The following STRBP variants were observed in gnomAD, a reference collection of about 807,000 sequenced individuals.
The protein encoded by STRBP is spermatid perinuclear RNA binding protein.
In STRBP, 13 loss-of-function variants were observed where a neutral mutation model predicts 80.1. The observed-to-expected ratio is 0.16, with a 90% CI of 0.11 to 0.26. The LOEUF is 0.26. STRBP is among the 10% of genes least tolerant of loss of function. The pLI is 1.00. For synonymous variants in STRBP, 284 were observed against 291.2 expected, an observed-to-expected ratio of 0.98 and a Z score of 0.25; for missense variants, 485 against 815.2, an observed-to-expected ratio of 0.59 and a Z score of 4.93.
At chr9:123,244,772 T>C (rs1360926565) in intron 1 of STRBP, among the ~76,000 whole-genome samples, 1 of 152,192 alleles carries the variant, frequency 6.6e-6, no homozygotes, top group Non-Finnish European at 1.5e-5. Context: ...AAAATGCATT[T>C]ATCACATAAC....
At chr9:123,146,279 C>T (rs970516435) in intron 13 of STRBP, among the ~76,000 whole-genome samples, 3 of 151,378 alleles carry the variant, frequency 2.0e-5, no homozygotes, top group South Asian at 2.1e-4. Flanking sequence ...ATATTATTCC[C>T]GATGGAAATA....
intron 1 of STRBP, among the ~76,000 whole-genome samples, chr9:123,245,388 T>G (rs2040779317): frequency 6.6e-6 from 1 of 152,174 alleles, no homozygotes; most frequent in South Asian, 2.1e-4. Flanking sequence ...TTTTTGTTGT[T>G]TTTGTTTGTT....
rs1399435455 is a variant in STRBP, at chr9:123,125,554, T to C, written c.*43A>G. 3.2e-6 allele frequency: 5 copies of C among 1,586,856 alleles called. No homozygotes were observed. The highest frequency in any genetic ancestry group is 4.3e-6 in the Non-Finnish European group (5 of 1,169,228). On this transcript the variant is annotated 3_prime_UTR_variant, in exon 19 of 19. Coordinates refer to ENST00000348403, the MANE Select transcript of STRBP (RefSeq NM_018387.5). ...AGGCTTTTTCTCTAACATTCTGTGT[T>C]GTACTGTATTGTTGTTCAATAGGAA...
intron 18 of STRBP, among the ~76,000 whole-genome samples, chr9:123,127,301 G>A (rs1165460530): frequency 6.6e-6 from 1 of 152,202 alleles, no homozygotes; most frequent in African/African-American, 2.4e-5. Context: ...GCGAAGGTCT[G>A]AGGCTCATGT....
chr9:123,193,981 T>C (rs752903442), intron 2 of STRBP, among the ~76,000 whole-genome samples: 1 of 152,094 alleles, frequency 6.6e-6, no homozygotes, highest in South Asian at 2.1e-4. Flanking sequence ...GATGTGAAAA[T>C]GTGAAGTCAA....
chr9:123,237,592 C>T (rs1211402100), intron 1 of STRBP, among the ~76,000 whole-genome samples: 5 of 151,618 alleles, frequency 3.3e-5, no homozygotes, highest in Admixed American at 6.6e-5. Context: ...GCTGTGCATT[C>T]GAGATGATAC....
intron 13 of STRBP, among the ~76,000 whole-genome samples, chr9:123,144,197 C>CA (rs957671357): frequency 0.2 from 13,453 of 68,682 alleles, 2,045 homozygotes; most frequent in African/African-American, 0.46. Flanking sequence ...GACTCCGTCT[C>CA]AAAAAAAAAA....
At chr9:123,182,217 TAAAAAAAA>T (rs10546358) in intron 3 of STRBP, among the ~76,000 whole-genome samples, 43 of 69,802 alleles carry the variant, frequency 6.2e-4, no homozygotes, top group Non-Finnish European at 1.2e-3. Context: ...TCCGTTTCTT[TAAAAAAAA>T]AAAAAAAAAA....
chr9:123,268,153 G>T (rs2041318138), intron 1 of STRBP, among the ~76,000 whole-genome samples: 1 of 151,464 alleles, frequency 6.6e-6, no homozygotes, highest in African/African-American at 2.4e-5. Context: ...CTGATCGGCC[G>T]GGACCCCGTC....
intron 6 of STRBP, among the ~76,000 whole-genome samples, 190 bp from the exon 7 acceptor site, chr9:123,161,258 A>G (rs2037512098): frequency 6.6e-6 from 1 of 152,248 alleles, no homozygotes; most frequent in Non-Finnish European, 1.5e-5. Flanking sequence ...ATTTAAGTAA[A>G]CAGTCATCAG....
intron 2 of STRBP, among the ~76,000 whole-genome samples, chr9:123,208,120 T>G (rs1157810477): frequency 6.6e-6 from 1 of 151,978 alleles, no homozygotes; most frequent in Non-Finnish European, 1.5e-5. Context: ...CTGTAAGTTT[T>G]TTTTTTTTTT....
At chr9:123,247,874 G>T (rs2040830325) in intron 1 of STRBP, among the ~76,000 whole-genome samples, 1 of 152,110 alleles carries the variant, frequency 6.6e-6, no homozygotes, top group Non-Finnish European at 1.5e-5. Context: ...GAATTTGGAT[G>T]TCTTAAGTAA....
chr9:123,218,649 G>A (rs961973006), intron 2 of STRBP, among the ~76,000 whole-genome samples: 6 of 152,020 alleles, frequency 3.9e-5, no homozygotes, highest in African/African-American at 9.7e-5. Context: ...GATTACAGGC[G>A]TGAGCCACCG....
intron 2 of STRBP, among the ~76,000 whole-genome samples, chr9:123,215,911 T>A (rs1464888088): frequency 6.6e-6 from 1 of 152,198 alleles, no homozygotes; most frequent in East Asian, 1.9e-4. Flanking sequence ...CAAAGTTAGG[T>A]CTACTCCTAA....
intron 7 of STRBP, 138 bp downstream of exon 7, chr9:123,160,838 CA>C: frequency 1.5e-6 from 1 of 649,822 alleles, no homozygotes. Flanking sequence ...TAAATTAACT[CA>C]ATTACTCCAA....
At chr9:123,171,367 T>C (rs1032126432) in intron 5 of STRBP, among the ~76,000 whole-genome samples, 2 of 152,172 alleles carry the variant, frequency 1.3e-5, no homozygotes, top group Non-Finnish European at 2.9e-5. Flanking sequence ...CGTACTTAGA[T>C]AACTGAAAGT....
downstream of STRBP, among the ~76,000 whole-genome samples, chr9:123,117,868 AAAAC>A (rs1162288669): frequency 3.9e-5 from 6 of 152,262 alleles, no homozygotes; most frequent in African/African-American, 1.2e-4. Flanking sequence ...AATTCAAAGA[AAAAC>A]AAGCTTTAGA....
chr9:123,256,029 T>C (rs943717462), intron 1 of STRBP, among the ~76,000 whole-genome samples: 1 of 138,296 alleles, frequency 7.2e-6, no homozygotes, highest in Non-Finnish European at 1.6e-5. Flanking sequence ...TTTTTTTTTT[T>C]TTTTTTTTTT....
intron 5 of STRBP, among the ~76,000 whole-genome samples, chr9:123,170,980 C>T (rs189270244): frequency 2.6e-5 from 4 of 151,662 alleles, no homozygotes; most frequent in Admixed American, 2.0e-4. Flanking sequence ...TACCATTAAA[C>T]GATCCCAAAA....
Sources: gnomAD v4.1 joint callset for allele counts (sites outside exome capture counted in the v4.1 genomes callset) on GRCh38, gnomAD v4.1.1 for gene constraint, MANE v1.5 for transcripts, NCBI Gene and HGNC (gene_info 2026-07-23, HGNC 2026-07-21) for gene names.